PCLO: variants seen among roughly 807,000 people sequenced by gnomAD.
PCLO encodes protein piccolo.
A neutral mutation model predicts 427.5 loss-of-function variants in PCLO; 82 were observed. The ratio of observed to expected loss-of-function variants is 0.19; its 90% CI spans 0.16 to 0.23. The LOEUF (loss-of-function observed/expected upper bound fraction) is 0.23, where lower values mean the gene tolerates loss of function less well. Ranked by LOEUF, PCLO falls within the 10% of genes least tolerant of loss-of-function variation. PCLO has a pLI of 1.00. For synonymous variants in PCLO, 2,357 were observed against 2,155.4 expected (o/e 1.09, Z -2.59); for missense variants, 6,239 against 6,115.9 (o/e 1.02, Z -0.67).
chr7:83,042,615 C>A (rs778013472), intron 3 of PCLO, among the ~76,000 whole-genome samples: 5 of 152,094 alleles, frequency 3.3e-5, no homozygotes, highest in Non-Finnish European at 7.4e-5. Context: ...AATCCCAGCA[C>A]TTTGGGAGGC....
intron 2 of PCLO, among the ~76,000 whole-genome samples, chr7:83,141,056 C>T (rs887763202): frequency 2.6e-5 from 4 of 152,200 alleles, no homozygotes; most frequent in African/African-American, 9.7e-5. Context: ...ATCTCTGCAG[C>T]CATGCCTGAT....
At chr7:83,030,119 G>GAAAAAAAAA (rs199609017) in intron 3 of PCLO, among the ~76,000 whole-genome samples, 29 of 104,526 alleles carry the variant, frequency 2.8e-4, no homozygotes, top group South Asian at 6.6e-4. Context: ...AATAATAAAA[G>GAAAAAAAAA]AAAAAAAAAA....
At chr7:83,095,223 T>C (rs12531615) in intron 3 of PCLO, among the ~76,000 whole-genome samples, 69,720 of 151,812 alleles carry the variant, frequency 0.46, 16,420 homozygotes, top group East Asian at 0.71. Flanking sequence ...TTTTTTCTAC[T>C]TTGCCGAATA....
chr7:82,967,865 G>C (rs950899241), intron 3 of PCLO, among the ~76,000 whole-genome samples: 5 of 152,124 alleles, frequency 3.3e-5, no homozygotes, highest in Non-Finnish European at 7.4e-5. Flanking sequence ...CATTCTGTAA[G>C]GCACAGGGTT....
intron 3 of PCLO, among the ~76,000 whole-genome samples, chr7:83,021,938 C>A (rs1458889619): frequency 6.6e-6 from 1 of 152,068 alleles, no homozygotes; most frequent in Non-Finnish European, 1.5e-5. Context: ...AGCATTCTGG[C>A]AAGATAAAAT....
intron 3 of PCLO, among the ~76,000 whole-genome samples, chr7:83,059,946 A>T (rs969729266): frequency 6.6e-6 from 1 of 152,150 alleles, no homozygotes; most frequent in African/African-American, 2.4e-5. Context: ...TTTTGAGTGG[A>T]ATACACTGAG....
rs531655397 is a variant in PCLO, at chr7:83,125,282, G to A, written c.3300+8968C>T. ...CATCTGAGAAGTGGGGAGCCCCTCCGCCCGGCCGCCGCCCCCTCTGGAAGG... is the reference window on the plus strand; with the variant it reads ...CATCTGAGAAGTGGGGAGCCCCTCCACCCGGCCGCCGCCCCCTCTGGAAGG... On this transcript the variant is annotated intron_variant, in intron 3 of 24. Coordinates refer to ENST00000333891, the MANE Select transcript of PCLO (RefSeq NM_033026.6). Among the ~76,000 whole-genome samples, 37 of 151,758 alleles carry A rather than the reference G, an allele frequency of 2.4e-4. No homozygotes were observed. The East Asian group carries it at 4.3e-3, about 18-fold the overall frequency.
intron 22 of PCLO, among the ~76,000 whole-genome samples, chr7:82,778,578 G>T (rs1001227805): frequency 4.0e-5 from 6 of 151,792 alleles, no homozygotes; most frequent in Admixed American, 2.6e-4. Flanking sequence ...TTATTATTTG[G>T]CCATCAGATA....
At chr7:82,903,353 T>C (rs2116200087) in intron 8 of PCLO, among the ~76,000 whole-genome samples, 1 of 152,114 alleles carries the variant, frequency 6.6e-6, no homozygotes, top group East Asian at 1.9e-4. Flanking sequence ...TTTAATACTT[T>C]TTAAAATTCA....
chr7:83,081,342 C>T (rs565324352), intron 3 of PCLO, among the ~76,000 whole-genome samples: 1 of 151,766 alleles, frequency 6.6e-6, no homozygotes. Flanking sequence ...GTATTCCATA[C>T]AGAAATTTAA....
intron 22 of PCLO, among the ~76,000 whole-genome samples, chr7:82,768,422 C>CA (rs528186012): frequency 0.097 from 8,775 of 90,880 alleles, 855 homozygotes; most frequent in African/African-American, 0.28. Flanking sequence ...GACTCTGTCT[C>CA]AAAAAAAAAA....
At chr7:83,010,039 C>T (rs1238974464) in intron 3 of PCLO, among the ~76,000 whole-genome samples, 2 of 152,086 alleles carry the variant, frequency 1.3e-5, no homozygotes, top group East Asian at 3.9e-4. Flanking sequence ...GGTGCCTCAA[C>T]AAACTCCACA....
intron 3 of PCLO, among the ~76,000 whole-genome samples, chr7:83,058,815 C>T (rs1298038969): frequency 6.6e-6 from 1 of 152,050 alleles, no homozygotes; most frequent in Non-Finnish European, 1.5e-5. Context: ...TACCTCCACG[C>T]AGGAAGCAAG....
At chr7:83,118,307 C>A (rs573374532) in intron 3 of PCLO, among the ~76,000 whole-genome samples, 1 of 152,170 alleles carries the variant, frequency 6.6e-6, no homozygotes, top group African/African-American at 2.4e-5. Context: ...AGAAAGAACC[C>A]TCCGGCGATC....
At chr7:82,759,234 T>C (rs1790381043) in intron 24 of PCLO, among the ~76,000 whole-genome samples, 1 of 151,814 alleles carries the variant, frequency 6.6e-6, no homozygotes, top group Non-Finnish European at 1.5e-5. Flanking sequence ...ATCACAAGGG[T>C]CTCAAACTAA....
At chr7:82,866,363 T>C (rs923424459) in intron 10 of PCLO, among the ~76,000 whole-genome samples, 3 of 151,960 alleles carry the variant, frequency 2.0e-5, no homozygotes, top group African/African-American at 7.2e-5. Context: ...ATTTAACATT[T>C]ATATATGATA....
intron 1 of PCLO, 28 bp from the exon 2 acceptor site, chr7:83,156,420 AT>A (rs1554406224): frequency 1.7e-5 from 21 of 1,222,628 alleles, no homozygotes; most frequent in South Asian, 6.2e-5. Context: ...AAAAAAAAAA[AT>A]CAAGTGAAAA....
chr7:83,100,656 G>A (rs1055247840), intron 3 of PCLO, among the ~76,000 whole-genome samples: 1 of 152,100 alleles, frequency 6.6e-6, no homozygotes, highest in Non-Finnish European at 1.5e-5. Context: ...CCTTTTTGGA[G>A]GATGGAGGGT....
At chr7:82,865,215 T>TG (rs1425834229) in intron 10 of PCLO, among the ~76,000 whole-genome samples, 1 of 151,770 alleles carries the variant, frequency 6.6e-6, no homozygotes, top group Non-Finnish European at 1.5e-5. Flanking sequence ...ATGCCGGGCA[T>TG]GGCGGCTTAC....
Sources: gnomAD v4.1 joint callset for allele counts (sites outside exome capture counted in the v4.1 genomes callset) on GRCh38, gnomAD v4.1.1 for gene constraint, MANE v1.5 for transcripts, NCBI Gene and HGNC (gene_info 2026-07-23, HGNC 2026-07-21) for gene names.